The following VPS13B variants were observed in gnomAD, a reference collection of about 807,000 sequenced individuals.
VPS13B encodes intermembrane lipid transfer protein VPS13B.
VPS13B carries 285 observed loss-of-function variants against 426.4 expected under a neutral mutation model. The ratio of observed to expected loss-of-function variants is 0.67; its 90% CI spans 0.61 to 0.74. The LOEUF (loss-of-function observed/expected upper bound fraction) is 0.74. VPS13B is among the 30% of genes least tolerant of loss of function. The pLI is 0.00. For missense variants in VPS13B, 4,537 were observed against 4,782.6 expected (o/e 0.95, Z 1.51); for synonymous variants, 1,676 against 1,676.4 (o/e 1.00, Z 0.01).
chr8:99,429,447 T>C (rs1252480809), intron 21 of VPS13B: 1 of 152,212 alleles, frequency 6.6e-6, no homozygotes, highest in Non-Finnish European at 1.5e-5. Flanking sequence ...TTATCTTGTC[T>C]ATTTTTTTAT....
chr8:99,577,804 T>G, intron 33 of VPS13B, 171 bp downstream of exon 33: 1 of 989,516 alleles, frequency 1.0e-6, no homozygotes, highest in Non-Finnish European at 1.5e-6. Context: ...TTTAGAAATT[T>G]GTTTGGTCTC....
At chr8:99,578,493 G>A (rs1024218083) in intron 33 of VPS13B, among the ~76,000 whole-genome samples, 2 of 151,930 alleles carry the variant, frequency 1.3e-5, no homozygotes, top group African/African-American at 4.8e-5. Context: ...ATTTTAAAAT[G>A]ATAAATCTTT....
At chr8:99,166,374 C>T (rs898944715) in intron 15 of VPS13B, among the ~76,000 whole-genome samples, 9 of 152,146 alleles carry the variant, frequency 5.9e-5, no homozygotes, top group Admixed American at 5.2e-4. Flanking sequence ...ATTGTTCCCA[C>T]CATGTTGATT....
intron 56 of VPS13B, among the ~76,000 whole-genome samples, chr8:99,855,393 T>C (rs1234593342): frequency 6.6e-6 from 1 of 151,946 alleles, no homozygotes; most frequent in Non-Finnish European, 1.5e-5. Context: ...AAAAATAAGA[T>C]TGAGTGGTGG....
chr8:99,213,946 C>G (rs1815250914), intron 17 of VPS13B, among the ~76,000 whole-genome samples: 2 of 151,898 alleles, frequency 1.3e-5, no homozygotes, highest in South Asian at 4.1e-4. Context: ...TTCCAACTCT[C>G]TGGATGTGGT....
At chr8:99,739,546 A>C (rs184404053) in intron 39 of VPS13B, among the ~76,000 whole-genome samples, 2,969 of 152,278 alleles carry the variant, frequency 0.019, 105 homozygotes, top group African/African-American at 0.068. Context: ...CCCTGACCCC[A>C]GAGTAGCCTA....
chr8:99,223,742 A>T, intron 17 of VPS13B, among the ~76,000 whole-genome samples: 1 of 152,336 alleles, frequency 6.6e-6, no homozygotes, highest in South Asian at 2.1e-4. Flanking sequence ...ACGTATTTTC[A>T]TATGTGTATA....
intron 25 of VPS13B, among the ~76,000 whole-genome samples, chr8:99,497,860 G>A (rs757453872): frequency 3.9e-5 from 6 of 151,920 alleles, no homozygotes; most frequent in Non-Finnish European, 5.9e-5. Context: ...AAATACTTAT[G>A]TCATTTCATA....
intron 3 of VPS13B, among the ~76,000 whole-genome samples, chr8:99,076,452 G>A (rs191769419): frequency 6.6e-6 from 1 of 152,080 alleles, no homozygotes; most frequent in East Asian, 1.9e-4. Context: ...TGAGAGTGGG[G>A]TATTCAAATG....
chr8:99,382,740 A>G (rs1310693442), intron 19 of VPS13B, among the ~76,000 whole-genome samples: 1 of 152,092 alleles, frequency 6.6e-6, no homozygotes, highest in Admixed American at 6.6e-5. Context: ...TATTTTCTAG[A>G]TACATATTTT....
At chr8:99,230,654 T>G (rs1191260925) in intron 17 of VPS13B, among the ~76,000 whole-genome samples, 3 of 152,208 alleles carry the variant, frequency 2.0e-5, no homozygotes, top group Admixed American at 2.0e-4. Flanking sequence ...AGTTTCCTCC[T>G]CTGTAGAACG....
intron 17 of VPS13B, among the ~76,000 whole-genome samples, chr8:99,267,824 A>T (rs1818385919): frequency 6.6e-6 from 1 of 152,182 alleles, no homozygotes; most frequent in African/African-American, 2.4e-5. Context: ...CAGAATGTTA[A>T]TCACCAAGAC....
intron 19 of VPS13B, among the ~76,000 whole-genome samples, chr8:99,278,961 A>G (rs1819032547): frequency 6.6e-6 from 1 of 152,238 alleles, no homozygotes; most frequent in African/African-American, 2.4e-5. Context: ...GGAACCATTT[A>G]ATGACACATT....
intron 19 of VPS13B, among the ~76,000 whole-genome samples, chr8:99,313,601 G>C (rs1266727526): frequency 1.3e-5 from 2 of 152,122 alleles, no homozygotes; most frequent in East Asian, 1.9e-4. Flanking sequence ...TCCCAGTTAG[G>C]GTACTCAGGG....
chr8:99,298,004 T>A (rs1820135894), intron 19 of VPS13B, among the ~76,000 whole-genome samples: 1 of 152,240 alleles, frequency 6.6e-6, no homozygotes, highest in Non-Finnish European at 1.5e-5. Context: ...GTTATATTCA[T>A]CTTTTTGAGC....
At chr8:99,177,112 G>A (rs1322144515) in intron 16 of VPS13B, among the ~76,000 whole-genome samples, 2 of 152,168 alleles carry the variant, frequency 1.3e-5, no homozygotes, top group African/African-American at 4.8e-5. Flanking sequence ...GAAGTGATGA[G>A]TGCTCACAGA....
intron 17 of VPS13B, among the ~76,000 whole-genome samples, chr8:99,264,127 T>A (rs1818184266): frequency 6.6e-6 from 1 of 152,152 alleles, no homozygotes; most frequent in Non-Finnish European, 1.5e-5. Flanking sequence ...TTATTTTTAA[T>A]TAATTCCCTC....
At chr8:99,748,167 C>T (rs1047861766) in intron 39 of VPS13B, among the ~76,000 whole-genome samples, 17 of 152,036 alleles carry the variant, frequency 1.1e-4, no homozygotes, top group African/African-American at 3.9e-4. Flanking sequence ...ACTAAATTGT[C>T]TAAAAAGCAC....
At chr8:99,626,120 CAT>C (rs1288411562) in intron 33 of VPS13B, among the ~76,000 whole-genome samples, 2 of 152,168 alleles carry the variant, frequency 1.3e-5, no homozygotes, top group Non-Finnish European at 2.9e-5. Context: ...GAAATGAAAA[CAT>C]ATGTCCAACA....
Sources: allele counts gnomAD v4.1 joint callset (sites outside exome capture counted in the v4.1 genomes callset), GRCh38; gene constraint gnomAD v4.1.1; transcripts MANE v1.5; gene names NCBI Gene and HGNC (gene_info 2026-07-23, HGNC 2026-07-21).